The following SPECC1 variants were observed in gnomAD, a reference collection of about 807,000 sequenced individuals.
SPECC1 encodes cytospin-B.
Under a neutral mutation model 104.1 loss-of-function variants are expected in SPECC1, and 62 were observed. The ratio of observed to expected loss-of-function variants is 0.60; its 90% CI spans 0.49 to 0.74. The LOEUF (loss-of-function observed/expected upper bound fraction) is 0.74, where lower values mean the gene tolerates loss of function less well. SPECC1 is among the 30% of genes least tolerant of loss of function. SPECC1 has a pLI of 0.00. For synonymous variants in SPECC1, 513 were observed against 501.6 expected (o/e 1.02, Z -0.30); for missense variants, 1,306 against 1,310.5 (o/e 1.00, Z 0.05).
chr17:20,277,041 T>A (rs1215848013), intron 12 of SPECC1, among the ~76,000 whole-genome samples: 1 of 152,182 alleles, frequency 6.6e-6, no homozygotes, highest in East Asian at 1.9e-4. Context: ...TGGAGCACTG[T>A]GAGTTGGAGG....
chr17:20,268,208 C>A (rs568345353), intron 12 of SPECC1, among the ~76,000 whole-genome samples: 1 of 152,218 alleles, frequency 6.6e-6, no homozygotes, highest in Admixed American at 6.5e-5. Flanking sequence ...AGATAGCAGG[C>A]GACACCTACA....
At chr17:20,093,726 G>GTTT (rs10712428) in intron 1 of SPECC1, among the ~76,000 whole-genome samples, 1 of 143,478 alleles carries the variant, frequency 7.0e-6, no homozygotes, top group Non-Finnish European at 1.5e-5. Context: ...TTTTGTTTTT[G>GTTT]TTTTTTGTTT....
intron 1 of SPECC1, among the ~76,000 whole-genome samples, chr17:20,065,394 C>CTTT (rs1555600340): frequency 6.6e-6 from 1 of 151,658 alleles, no homozygotes; most frequent in Non-Finnish European, 1.5e-5. Flanking sequence ...TCCCATGACT[C>CTTT]CTCTGGGTTC....
chr17:20,156,043 C>G lies in SPECC1; in HGVS notation c.283+45481C>G, dbSNP rs373920002. 2.8e-4 allele frequency: 352 copies of G among 1,277,074 alleles called. No individual in the cohort carries two copies. The East Asian group carries it at 9.7e-3, about 35-fold the overall frequency. The allele number at this position is 1,277,074 out of a possible 1,614,324, so 79.1% of individuals were successfully genotyped here. On this transcript the variant is annotated intron_variant, in intron 3 of 14. Coordinates refer to ENST00000395527, the MANE Select transcript of SPECC1 (RefSeq NM_001243439.2). ...CGCGGGAGAGCAGCGGCTCCGCCGG[C>G]AGCTGCTGGGAACTGGAAGGCGCCC...
intron 1 of SPECC1, among the ~76,000 whole-genome samples, chr17:20,083,554 A>G (rs1331425891): frequency 1.3e-5 from 2 of 152,188 alleles, no homozygotes; most frequent in South Asian, 2.1e-4. Flanking sequence ...TGTGTGTGCT[A>G]TTCATTCACT....
At chr17:20,059,572 C>T (rs1308107328) in intron 1 of SPECC1, among the ~76,000 whole-genome samples, 2 of 150,546 alleles carry the variant, frequency 1.3e-5, no homozygotes, top group East Asian at 3.9e-4. Context: ...ACTTCTTCTA[C>T]TCTATGTAGC....
At chr17:20,240,983 G>A (rs1436453680) in intron 7 of SPECC1, among the ~76,000 whole-genome samples, 1 of 152,198 alleles carries the variant, frequency 6.6e-6, no homozygotes, top group Non-Finnish European at 1.5e-5. Context: ...ACCTTCTCTT[G>A]CTGAAGCAGA....
chr17:20,232,123 A>G (rs2038620205), intron 6 of SPECC1, 77 bp from the exon 7 acceptor site: 1 of 1,546,594 alleles, frequency 6.5e-7, no homozygotes, highest in Non-Finnish European at 8.9e-7. Flanking sequence ...GGTGACCAAC[A>G]CGGGGACTCT....
intron 4 of SPECC1, among the ~76,000 whole-genome samples, chr17:20,220,614 C>T (rs1380415129): frequency 7.7e-6 from 1 of 129,242 alleles, no homozygotes; most frequent in South Asian, 2.5e-4. Context: ...CAAGTCATAT[C>T]ATCTGCAAAC....
chr17:20,145,501 C>T (rs765930556), intron 3 of SPECC1, among the ~76,000 whole-genome samples: 3 of 152,148 alleles, frequency 2.0e-5, no homozygotes, highest in Non-Finnish European at 4.4e-5. Context: ...CTCGTCATCA[C>T]GAGATAACTA....
At chr17:20,129,478 G>A (rs1296836578) in intron 3 of SPECC1, among the ~76,000 whole-genome samples, 2 of 151,998 alleles carry the variant, frequency 1.3e-5, no homozygotes, top group Admixed American at 1.3e-4. Context: ...GTGAGCCACC[G>A]CGCCCAGCCA....
intron 4 of SPECC1, among the ~76,000 whole-genome samples, chr17:20,222,524 T>G (rs2037947726): frequency 6.6e-6 from 1 of 152,254 alleles, no homozygotes; most frequent in Admixed American, 6.5e-5. Flanking sequence ...ATTTTCTGTC[T>G]TATTAACTTT....
intron 4 of SPECC1, among the ~76,000 whole-genome samples, chr17:20,212,001 G>A (rs763313164): frequency 4.6e-5 from 7 of 152,182 alleles, no homozygotes; most frequent in Non-Finnish European, 8.8e-5. Flanking sequence ...GTGGGGCCTT[G>A]TTGCTTCGAA....
chr17:20,012,080 A>G (rs1038837903), intron 1 of SPECC1, among the ~76,000 whole-genome samples: 1 of 152,024 alleles, frequency 6.6e-6, no homozygotes, highest in African/African-American at 2.4e-5. Context: ...TTTCAGAGTT[A>G]TTTTTGTATT....
At chr17:20,217,962 A>C (rs1279194726) in intron 4 of SPECC1, among the ~76,000 whole-genome samples, 2 of 152,098 alleles carry the variant, frequency 1.3e-5, no homozygotes, top group Non-Finnish European at 2.9e-5. Flanking sequence ...GAGCCAGGAG[A>C]TAGAGGCTGC....
chr17:20,290,034 C>A (rs918002099), intron 12 of SPECC1, among the ~76,000 whole-genome samples: 2 of 151,972 alleles, frequency 1.3e-5, no homozygotes, highest in Non-Finnish European at 2.9e-5. Flanking sequence ...TCTCCTTTTT[C>A]CTGTGTTGTT....
In SPECC1 at chr17:20,227,631, T is replaced by C; in HGVS notation, c.2071+11T>C. 6.2e-7 allele frequency: 1 copy of C among 1,610,398 alleles called. No individual in the cohort carries two copies. On this transcript the variant is annotated intron_variant, in intron 5 of 14. Coordinates refer to ENST00000395527, the MANE Select transcript of SPECC1 (RefSeq NM_001243439.2). ...TCAGTGAGCTAGAAAGTAAGTGGGG[T>C]CTGCCAGGCATGGTGGCTCACACCT...
At chr17:20,221,139 T>G (rs916922061) in intron 4 of SPECC1, among the ~76,000 whole-genome samples, 1 of 152,188 alleles carries the variant, frequency 6.6e-6, no homozygotes, top group Non-Finnish European at 1.5e-5. Context: ...TTCATGTATC[T>G]TTCTTTGTCT....
intron 3 of SPECC1, among the ~76,000 whole-genome samples, chr17:20,170,421 ATTATT>A (rs1202416166): frequency 6.6e-6 from 1 of 152,206 alleles, no homozygotes; most frequent in Non-Finnish European, 1.5e-5. Context: ...GATTAAAGAA[ATTATT>A]TTAGTACCAC....
Sources: allele counts gnomAD v4.1 joint callset (sites outside exome capture counted in the v4.1 genomes callset), GRCh38; gene constraint gnomAD v4.1.1; transcripts MANE v1.5; gene names NCBI Gene and HGNC (gene_info 2026-07-23, HGNC 2026-07-21).